The following PBX3 variants were observed in gnomAD, a reference collection of about 807,000 sequenced individuals.
The protein encoded by PBX3 is PBX homeobox 3.
Under a neutral mutation model 48.5 loss-of-function variants are expected in PBX3, and 14 were observed. That is an observed-to-expected ratio of 0.29 (90% CI 0.19 to 0.45). The LOEUF (loss-of-function observed/expected upper bound fraction) is 0.45, where lower values mean the gene tolerates loss of function less well. Among genes scored for constraint, PBX3 ranks in the 20% least tolerant of loss-of-function variants. PBX3 has a pLI of 1.00. For synonymous variants in PBX3, 210 were observed against 200.3 expected, an observed-to-expected ratio of 1.05 and a Z score of -0.41; for missense variants, 386 against 546.7, an observed-to-expected ratio of 0.71 and a Z score of 2.93.
intron 2 of PBX3, among the ~76,000 whole-genome samples, chr9:125,867,881 G>GC (rs1680127561): frequency 6.7e-6 from 1 of 150,374 alleles, no homozygotes; most frequent in African/African-American, 2.5e-5. Context: ...CTTTTGTTTT[G>GC]TTTTTTTGTT....
chr9:125,810,851 G>C, intron 2 of PBX3, among the ~76,000 whole-genome samples: 1 of 152,114 alleles, frequency 6.6e-6, no homozygotes, highest in Non-Finnish European at 1.5e-5. Flanking sequence ...AGGCTTTTGG[G>C]GGTGGCAAAT....
At chr9:125,835,943 C>T (rs1038768056) in intron 2 of PBX3, among the ~76,000 whole-genome samples, 2 of 152,066 alleles carry the variant, frequency 1.3e-5, no homozygotes, top group African/African-American at 2.4e-5. Context: ...TAGAATCAGC[C>T]TTAGTGTCTA....
chr9:125,954,692 C>A (rs956817901), intron 5 of PBX3, among the ~76,000 whole-genome samples: 3 of 152,104 alleles, frequency 2.0e-5, no homozygotes, highest in Non-Finnish European at 2.9e-5. Context: ...TGCACCACCA[C>A]GCCCGGCTAA....
chr9:125,916,127 AT>A (rs1841327822), intron 3 of PBX3, among the ~76,000 whole-genome samples, 200 bp downstream of exon 3: 1 of 152,142 alleles, frequency 6.6e-6, no homozygotes, highest in Admixed American at 6.5e-5. Context: ...AGCGCTACCT[AT>A]TTTATCCCAT....
At chr9:125,901,413 G>A (rs913256259) in intron 2 of PBX3, among the ~76,000 whole-genome samples, 2 of 151,608 alleles carry the variant, frequency 1.3e-5, no homozygotes, top group African/African-American at 4.8e-5. Context: ...AAAATATATA[G>A]CAGTTCTACT....
At chr9:125,757,920 A>G (rs1836564313) in intron 2 of PBX3, among the ~76,000 whole-genome samples, 2 of 152,306 alleles carry the variant, frequency 1.3e-5, no homozygotes, top group South Asian at 4.1e-4. Context: ...AGTTTTTCTC[A>G]TCATATTTCT....
intron 2 of PBX3, among the ~76,000 whole-genome samples, chr9:125,842,366 ACAT>A (rs1839311636): frequency 6.6e-6 from 1 of 152,162 alleles, no homozygotes; most frequent in Non-Finnish European, 1.5e-5. Flanking sequence ...ATTCATGTTG[ACAT>A]CATATCAGTT....
chr9:125,915,810 T>C lies in PBX3; in HGVS notation c.399T>C (p.Ala133=). 6.2e-7 allele frequency: 1 copy of C among 1,613,778 alleles called. No homozygotes were observed. The highest frequency in any genetic ancestry group is 8.5e-7 in the Non-Finnish European group (1 of 1,179,954). ...PEKGGGSAAA[A]AAAAASGGSS... Reference sequence around the variant, plus strand: ...AAGGTGGGGGATCGGCGGCAGCAGCTGCAGCCGCGGCAGCCTCTGGAGGTT... The same window carrying C: ...AAGGTGGGGGATCGGCGGCAGCAGCCGCAGCCGCGGCAGCCTCTGGAGGTT... The change falls in exon 3 of 9, where the codon GCT becomes GCC. Residue 133 remains alanine (A), a synonymous_variant. Transcript: ENST00000373489.
intron 5 of PBX3, among the ~76,000 whole-genome samples, chr9:125,937,454 GA>G (rs1227570403): frequency 1.3e-5 from 2 of 151,854 alleles, no homozygotes; most frequent in East Asian, 3.9e-4. Context: ...CAATTGCTGA[GA>G]AAAAGGTACA....
chr9:125,835,009 C>CT (rs1167027722), intron 2 of PBX3, among the ~76,000 whole-genome samples: 2 of 42,420 alleles, frequency 4.7e-5, no homozygotes, highest in Admixed American at 4.1e-4. Context: ...GAGCAAAACT[C>CT]TGTCTCAAAA....
chr9:125,806,113 C>T (rs1052189518), intron 2 of PBX3, among the ~76,000 whole-genome samples: 1 of 152,092 alleles, frequency 6.6e-6, no homozygotes, highest in Non-Finnish European at 1.5e-5. Flanking sequence ...TGACTAGAGA[C>T]CAGCCTTACT....
chr9:125,810,659 C>T (rs957037879), intron 2 of PBX3, among the ~76,000 whole-genome samples: 5 of 152,044 alleles, frequency 3.3e-5, no homozygotes, highest in Non-Finnish European at 7.4e-5. Flanking sequence ...AAAATCTTAC[C>T]ATTGATTCTA....
At chr9:125,919,140 T>C (rs972731003) in intron 3 of PBX3, among the ~76,000 whole-genome samples, 5 of 152,178 alleles carry the variant, frequency 3.3e-5, no homozygotes, top group Admixed American at 6.5e-5. Flanking sequence ...TTCAGGTACG[T>C]TCTGGTTTTC....
rs755443165 is a variant in PBX3 at position 125,801,784 on chromosome 9, T to TAC, written c.274+53165_274+53166dup. Among the ~76,000 whole-genome samples the TAC allele has an allele frequency of 6.7e-3, 496 of 74,292 alleles. 1 individual carries two copies. Among genetic ancestry groups the TAC allele is most frequent in the African/African-American group, 0.024 (441 of 18,380 alleles). 48.7% of individuals were successfully genotyped at this position (74,292 alleles called of 152,430 possible). On this transcript the variant is annotated intron_variant, in intron 2 of 8. Transcript: ENST00000373489. ...TCTTAAATGTTTATATGAACATGTA[T>TAC]ACACATACACACACACACACACACA... is the stretch of plus-strand genomic sequence containing the variant.
chr9:125,964,613 C>T (rs73667814), intron 8 of PBX3, among the ~76,000 whole-genome samples: 5,937 of 151,686 alleles, frequency 0.039, 414 homozygotes, highest in African/African-American at 0.13. Flanking sequence ...CTGGTCATCT[C>T]TGTGGGGTTC....
chr9:125,818,123 C>T (rs575575952), intron 2 of PBX3, among the ~76,000 whole-genome samples: 81 of 151,700 alleles, frequency 5.3e-4, no homozygotes, highest in African/African-American at 1.9e-3. Flanking sequence ...AGCTAGAACC[C>T]GGGAGGCGGA....
intron 2 of PBX3, among the ~76,000 whole-genome samples, chr9:125,758,000 C>T (rs958667676): frequency 2.0e-5 from 3 of 152,152 alleles, no homozygotes; most frequent in Non-Finnish European, 4.4e-5. Context: ...GGGTGTTTGA[C>T]TTGTCTGAAT....
chr9:125,936,156 T>A (rs1841831410), intron 5 of PBX3, among the ~76,000 whole-genome samples: 1 of 152,172 alleles, frequency 6.6e-6, no homozygotes, highest in African/African-American at 2.4e-5. Context: ...TTGGGGTTTT[T>A]AAAAAAATGT....
At chr9:125,824,374 A>T (rs1838746567) in intron 2 of PBX3, among the ~76,000 whole-genome samples, 2 of 152,220 alleles carry the variant, frequency 1.3e-5, no homozygotes. Context: ...AAGCATGCTC[A>T]AGGGCCTGTC....
Sources: gnomAD v4.1 joint callset for allele counts (sites outside exome capture counted in the v4.1 genomes callset) on GRCh38, gnomAD v4.1.1 for gene constraint, MANE v1.5 for transcripts, NCBI Gene and HGNC (gene_info 2026-07-23, HGNC 2026-07-21) for gene names.